Variants in HS6ST3 observed in about 807,000 individuals in gnomAD.
The protein encoded by HS6ST3 is heparan sulfate 6-O-sulfotransferase 3, also known as heparan-sulfate 6-O-sulfotransferase 3.
Under a neutral mutation model 36.7 loss-of-function variants are expected in HS6ST3, and 12 were observed. That is an observed-to-expected ratio of 0.33 (90% CI 0.21 to 0.53). HS6ST3 has a LOEUF of 0.53. Ranked by LOEUF, HS6ST3 falls within the 20% of genes least tolerant of loss-of-function variation. HS6ST3 has a pLI of 0.95. For missense variants in HS6ST3, 584 were observed against 640.9 expected (o/e 0.91, Z 0.96); for synonymous variants, 240 against 257.5 (o/e 0.93, Z 0.65).
chr13:96,531,808 C>T (rs1250208702), intron 1 of HS6ST3, among the ~76,000 whole-genome samples: 1 of 152,232 alleles, frequency 6.6e-6, no homozygotes, highest in Non-Finnish European at 1.5e-5. Flanking sequence ...CCAGTCATCA[C>T]TGTTGGGGCA....
intron 1 of HS6ST3, among the ~76,000 whole-genome samples, chr13:96,464,947 C>CGTGTGTGTGTGT (rs71113997): frequency 3.4e-5 from 5 of 145,458 alleles, no homozygotes; most frequent in Non-Finnish European, 6.0e-5. Flanking sequence ...CAAGATGCTT[C>CGTGTGTGTGTGT]GTGTGTGTGT....
At chr13:96,610,123 C>T (rs2056452571) in intron 1 of HS6ST3, among the ~76,000 whole-genome samples, 1 of 152,256 alleles carries the variant, frequency 6.6e-6, no homozygotes, top group African/African-American at 2.4e-5. Context: ...TGGTTCAAAT[C>T]CCAGCTCTTA....
intron 1 of HS6ST3, among the ~76,000 whole-genome samples, chr13:96,799,032 T>G (rs986634276): frequency 2.0e-5 from 3 of 152,128 alleles, no homozygotes; most frequent in African/African-American, 7.2e-5. Context: ...AACATCCTTA[T>G]TTTAGCTTAA....
chr13:96,640,704 T>A (rs1191546979), intron 1 of HS6ST3, among the ~76,000 whole-genome samples: 1 of 151,994 alleles, frequency 6.6e-6, no homozygotes, highest in Non-Finnish European at 1.5e-5. Flanking sequence ...TACATGAAAA[T>A]TTTTCATTCA....
rs186963372 is a variant in HS6ST3 at position 96,155,964 on chromosome 13, C to T, written c.707+64395C>T. Among the ~76,000 whole-genome samples, 37 of 152,208 alleles carry T rather than the reference C, an allele frequency of 2.4e-4. No individual in the cohort carries two copies. In the East Asian group the frequency reaches 4.1e-3, roughly 17 times the overall value. ...AAGGCTCAGGCACGTGATTTCTTCC[C>T]GCTTGAAACATTCTCTCCCTTTAGC... On this transcript the variant is annotated intron_variant, in intron 1 of 1. Coordinates refer to ENST00000376705, the MANE Select transcript of HS6ST3 (RefSeq NM_153456.4).
intron 1 of HS6ST3, among the ~76,000 whole-genome samples, chr13:96,458,336 A>T (rs1013551257): frequency 5.3e-5 from 8 of 152,156 alleles, no homozygotes; most frequent in Non-Finnish European, 8.8e-5. Context: ...AGAAAGACGA[A>T]GTGTATGGAT....
chr13:96,537,377 G>T (rs1194884221), intron 1 of HS6ST3, among the ~76,000 whole-genome samples: 1 of 152,122 alleles, frequency 6.6e-6, no homozygotes, highest in Non-Finnish European at 1.5e-5. Context: ...TGAGATTTGG[G>T]TGGGGACACA....
intron 1 of HS6ST3, among the ~76,000 whole-genome samples, chr13:96,798,746 G>A (rs1255479138): frequency 1.3e-5 from 2 of 152,094 alleles, no homozygotes; most frequent in Non-Finnish European, 1.5e-5. Flanking sequence ...GTCTCCATGT[G>A]TGTGTAATCT....
At chr13:96,732,178 T>C (rs1876172383) in intron 1 of HS6ST3, among the ~76,000 whole-genome samples, 2 of 152,356 alleles carry the variant, frequency 1.3e-5, no homozygotes, top group African/African-American at 4.8e-5. Context: ...CTTTTTCATA[T>C]ACCTTTTGGC....
At chr13:96,591,849 T>C (rs190371225) in intron 1 of HS6ST3, among the ~76,000 whole-genome samples, 10 of 152,236 alleles carry the variant, frequency 6.6e-5, no homozygotes, top group Admixed American at 5.9e-4. Context: ...GTAAGGTTTT[T>C]ATTATGTTGA....
chr13:96,327,708 T>A (rs1447545138), intron 1 of HS6ST3, among the ~76,000 whole-genome samples: 3 of 152,054 alleles, frequency 2.0e-5, no homozygotes, highest in African/African-American at 7.2e-5. Context: ...TTTTTCCAAT[T>A]CTGTGAAGAA....
intron 1 of HS6ST3, among the ~76,000 whole-genome samples, chr13:96,749,164 C>A (rs562393284): frequency 5.3e-5 from 8 of 152,234 alleles, no homozygotes; most frequent in African/African-American, 1.9e-4. Flanking sequence ...AGTATCACTG[C>A]AAATATGCTC....
chr13:96,487,706 G>A (rs1309022587), intron 1 of HS6ST3, among the ~76,000 whole-genome samples: 2 of 152,058 alleles, frequency 1.3e-5, no homozygotes, highest in East Asian at 3.9e-4. Flanking sequence ...TTACAGGTGT[G>A]ATCAATATTT....
At chr13:96,500,727 T>C (rs2056000108) in intron 1 of HS6ST3, among the ~76,000 whole-genome samples, 1 of 152,216 alleles carries the variant, frequency 6.6e-6, no homozygotes, top group Non-Finnish European at 1.5e-5. Context: ...AAAACCCACA[T>C]TTAATAAATT....
At position 96,589,553 on chromosome 13, in the gene HS6ST3, T is replaced by G. The variant is rs542664660; in HGVS notation, c.708-242937T>G. Among the ~76,000 whole-genome samples, 69 of 152,206 alleles carry G rather than the reference T, an allele frequency of 4.5e-4. 1 individual carries two copies. The highest frequency in any genetic ancestry group is 1.7e-3 in the African/African-American group (69 of 41,578). On this transcript the variant is annotated intron_variant, in intron 1 of 1. Coordinates refer to ENST00000376705, the MANE Select transcript of HS6ST3 (RefSeq NM_153456.4). ...TTATTTATTTCTGTTTGGGTCTTTATTATTTTCTTCCTTCTTATAACCTCT... is the reference window on the plus strand; with the variant it reads ...TTATTTATTTCTGTTTGGGTCTTTAGTATTTTCTTCCTTCTTATAACCTCT...
At chr13:96,277,015 G>C (rs1286328558) in intron 1 of HS6ST3, among the ~76,000 whole-genome samples, 1 of 152,120 alleles carries the variant, frequency 6.6e-6, no homozygotes, top group Non-Finnish European at 1.5e-5. Flanking sequence ...TCAGTTCTCT[G>C]TCCATGAAAT....
At chr13:96,660,689 A>T (rs2056643220) in intron 1 of HS6ST3, among the ~76,000 whole-genome samples, 1 of 152,182 alleles carries the variant, frequency 6.6e-6, no homozygotes, top group African/African-American at 2.4e-5. Context: ...ATATCAAACA[A>T]TAAGAACCTT....
chr13:96,685,944 G>T (rs934178962), intron 1 of HS6ST3, among the ~76,000 whole-genome samples: 2 of 152,036 alleles, frequency 1.3e-5, no homozygotes, highest in Non-Finnish European at 2.9e-5. Context: ...TAATGACAGT[G>T]ACAGACAAAA....
chr13:96,659,989 AT>A (rs1169117021), intron 1 of HS6ST3, among the ~76,000 whole-genome samples: 1 of 152,122 alleles, frequency 6.6e-6, no homozygotes, highest in Non-Finnish European at 1.5e-5. Context: ...ATGGGATTTG[AT>A]TTATAGATGC....
Sources: allele counts gnomAD v4.1 joint callset (sites outside exome capture counted in the v4.1 genomes callset), GRCh38; gene constraint gnomAD v4.1.1; transcripts MANE v1.5; gene names NCBI Gene and HGNC (gene_info 2026-07-23, HGNC 2026-07-21).